Variants in RAPGEF1 observed in about 807,000 individuals in gnomAD.
RAPGEF1 encodes the protein Rap guanine nucleotide exchange factor 1.
Under a neutral mutation model 143.3 loss-of-function variants are expected in RAPGEF1, and 33 were observed. The observed-to-expected ratio is 0.23, with a 90% confidence interval of 0.17 to 0.31. The LOEUF is 0.31. Ranked by LOEUF, RAPGEF1 falls within the 10% of genes least tolerant of loss-of-function variation. RAPGEF1 has a pLI of 1.00. For missense variants in RAPGEF1, 1,199 were observed against 1,645.4 expected (o/e 0.73, Z 4.69); for synonymous variants, 629 against 676.5 (o/e 0.93, Z 1.09).
chr9:131,735,721 T>C (rs1328031245), intron 1 of RAPGEF1, among the ~76,000 whole-genome samples: 1 of 152,188 alleles, frequency 6.6e-6, no homozygotes, highest in African/African-American at 2.4e-5. Context: ...TGTGGCTGGC[T>C]GTGGGAGTGG....
chr9:131,580,183 C>A (rs1951652810), intron 26 of RAPGEF1, 80 bp downstream of exon 26: 2 of 1,559,842 alleles, frequency 1.3e-6, no homozygotes, highest in Non-Finnish European at 1.7e-6. Context: ...TCCCCCTCCC[C>A]TCGGTGTCCC....
At chr9:131,647,929 C>A (rs553225127) in intron 3 of RAPGEF1, among the ~76,000 whole-genome samples, 1 of 151,822 alleles carries the variant, frequency 6.6e-6, no homozygotes, top group Admixed American at 6.6e-5. Flanking sequence ...CTTCCCAACC[C>A]CTACCCACTA....
intron 12 of RAPGEF1, among the ~76,000 whole-genome samples, chr9:131,613,057 C>A (rs1027866316): frequency 1.3e-5 from 2 of 152,176 alleles, no homozygotes; most frequent in Admixed American, 1.3e-4. Flanking sequence ...AAAGCAGCAG[C>A]CTCCCCCACA....
chr9:131,604,951 C>G lies in RAPGEF1; in HGVS notation c.2299G>C (p.Glu767Gln). The G allele has an allele frequency of 7.7e-7, 1 of 1,306,434 alleles. No homozygotes were observed. Among genetic ancestry groups the G allele is most frequent in the Non-Finnish European group, 1.0e-6 (1 of 990,164 alleles). 80.9% of individuals were successfully genotyped at this position (1,306,434 alleles called of 1,614,324 possible). A position where few individuals can be genotyped will look rare whatever the true frequency, so the allele number is the denominator to read the frequency against. Residue 767 changes from glutamate to glutamine, a missense_variant, in exon 13 of 27, where the codon GAA (glutamate) becomes CAA (glutamine). Physicochemically the swap from Glu to Gln is conservative, Grantham distance 29 (BLOSUM62 2). Transcript: ENST00000683357. ...FHGNTVCLPS[E>Q]TSFTDSSENA... The stretch of plus-strand genomic sequence containing the variant: ...CTCACCGAGTCAGTGAAAGAGGTTT[C>G]GGAAGGAAGGCAGACAGTATTCCCA...
At chr9:131,731,117 T>C (rs1282528013) in intron 1 of RAPGEF1, among the ~76,000 whole-genome samples, 2 of 152,196 alleles carry the variant, frequency 1.3e-5, no homozygotes, top group African/African-American at 4.8e-5. Flanking sequence ...ATGTTAACTC[T>C]TTCAGGTCTC....
In RAPGEF1 at chr9:131,587,926, C is replaced by A; in HGVS notation, c.3138+16G>T. ...GGACAAACAGTGTGGCTCCCCCTGG[C>A]AGGAGCAGCCTGTACCTCTATTTTA... On this transcript the variant is annotated intron_variant, in intron 21 of 26. Coordinates refer to ENST00000683357, the MANE Select transcript of RAPGEF1 (RefSeq NM_001377935.1). 4 of 1,606,312 alleles carry A rather than the reference C, an allele frequency of 2.5e-6. No individual in the cohort carries two copies. Among genetic ancestry groups the A allele is most frequent in the Non-Finnish European group, 3.4e-6 (4 of 1,175,928 alleles).
chr9:131,659,270 G>A (rs1017676654), intron 1 of RAPGEF1, among the ~76,000 whole-genome samples: 1 of 152,178 alleles, frequency 6.6e-6, no homozygotes, highest in African/African-American at 2.4e-5. Flanking sequence ...GGACCGCAAG[G>A]TAAAGATGGA....
chr9:131,693,986 A>C (rs1457707932), intron 1 of RAPGEF1, among the ~76,000 whole-genome samples: 1 of 151,730 alleles, frequency 6.6e-6, no homozygotes, highest in African/African-American at 2.4e-5. Context: ...ATGGCTATTT[A>C]GCTTGAGACT....
At chr9:131,643,202 T>C in intron 4 of RAPGEF1, 37 bp downstream of exon 4, 1 of 1,570,048 alleles carries the variant, frequency 6.4e-7, no homozygotes, top group East Asian at 2.3e-5. Flanking sequence ...AAGGCTTCCA[T>C]TGTTCTGACA....
chr9:131,633,251 A>G (rs1965429593), intron 5 of RAPGEF1, among the ~76,000 whole-genome samples: 1 of 152,240 alleles, frequency 6.6e-6, no homozygotes, highest in African/African-American at 2.4e-5. Flanking sequence ...CAATCAGTGA[A>G]GAGAGCAGTT....
Position 131,626,154 on chromosome 9 carries a change from G to C in RAPGEF1, c.1470C>G (p.Gly490=), listed in dbSNP as rs764788213. The change falls in exon 10 of 27, where the codon GGC becomes GGG. Residue 490 remains glycine, a synonymous_variant. Transcript: ENST00000683357. ...GATGCCGCTCGTAGGACACCCTGCA[G>C]CCAGAGCCGTCCGCCGTCTGGGAGG... is the stretch of plus-strand genomic sequence containing the variant. ...SAASQTADGS[G]CRVSYERHPS... 1.3e-5 allele frequency: 21 copies of C among 1,613,848 alleles called. No individual in the cohort carries two copies. The South Asian group carries it at 2.3e-4, about 18-fold the overall frequency.
intron 1 of RAPGEF1, among the ~76,000 whole-genome samples, chr9:131,685,510 C>T (rs963592072): frequency 9.2e-5 from 14 of 152,214 alleles, no homozygotes; most frequent in Non-Finnish European, 1.5e-4. Context: ...ATAACATGAG[C>T]GATCTGTGCC....
chr9:131,629,023 A>C, intron 7 of RAPGEF1, 79 bp downstream of exon 7: 1 of 1,535,054 alleles, frequency 6.5e-7, no homozygotes, highest in African/African-American at 1.4e-5. Context: ...CGCTGAGGGG[A>C]AAGGGCCCGA....
Position 131,672,096 on chromosome 9 carries a change from C to T in RAPGEF1, c.62-21147G>A, listed in dbSNP as rs533929605. Among the ~76,000 whole-genome samples, 9 of 152,218 alleles carry T rather than the reference C, an allele frequency of 5.9e-5. No individual in the cohort carries two copies. In the South Asian group the frequency reaches 1.2e-3, roughly 21 times the overall value. The stretch of plus-strand genomic sequence containing the variant: ...GAAGACCGCAAACCTAGCCCATAGC[C>T]AAAAGTTGCCAAGACACTGGTTAGC... On this transcript the variant is annotated intron_variant, in intron 1 of 26. Transcript: ENST00000683357.
intron 1 of RAPGEF1, among the ~76,000 whole-genome samples, chr9:131,662,105 T>C (rs1300180411): frequency 1.3e-5 from 2 of 152,238 alleles, no homozygotes; most frequent in African/African-American, 2.4e-5. Context: ...GCATCTCATC[T>C]GTGCCTTACA....
In RAPGEF1 at chr9:131,584,288, G is replaced by T; in HGVS notation, c.3414+23C>A. The stretch of plus-strand genomic sequence containing the variant: ...GGCCCCCCTTACCAGCCACCCTCCC[G>T]CCCACGCCCCAAGGCCACTCACCTC... On this transcript the variant is annotated intron_variant, in intron 24 of 26. Coordinates refer to ENST00000683357, the MANE Select transcript of RAPGEF1 (RefSeq NM_001377935.1). The surrounding 1 kb of genome is among the most constrained non-coding windows in gnomAD (Gnocchi z 6.8). 7.2e-7 allele frequency: 1 copy of T among 1,397,518 alleles called. No homozygotes were observed. Among genetic ancestry groups the T allele is most frequent in the Non-Finnish European group, 1.0e-6 (1 of 993,024 alleles). 86.6% of individuals were successfully genotyped at this position (1,397,518 alleles called of 1,614,324 possible). A position where few individuals can be genotyped will look rare whatever the true frequency, so the allele number is the denominator to read the frequency against.
In RAPGEF1 at chr9:131,739,778, T is replaced by C; in HGVS notation, c.53A>G (p.Glu18Gly). The change falls in exon 1 of 27, where the codon GAG becomes GGG. Residue 18 changes from glutamate (E) to glycine (G), a missense_variant. Glu to Gly is a moderately conservative substitution (Grantham distance 98). Coordinates refer to ENST00000683357, the MANE Select transcript of RAPGEF1 (RefSeq NM_001377935.1). ...RRSPEMSGKI[E>G]KADSQRSHLS... Reference sequence around the variant, plus strand: ...CCACGCCCGCGCCTCACCTGCTTTCTCGATCTTGCCGGACATTTCCGGGCT... The same window carrying C: ...CCACGCCCGCGCCTCACCTGCTTTCCCGATCTTGCCGGACATTTCCGGGCT... 8.5e-7 allele frequency: 1 copy of C among 1,174,846 alleles called. No homozygotes were observed. The highest frequency in any genetic ancestry group is 1.7e-5 in the South Asian group (1 of 57,266). 72.8% of individuals were successfully genotyped at this position (1,174,846 alleles called of 1,614,324 possible). A position where few individuals can be genotyped will look rare whatever the true frequency, so the allele number is the denominator to read the frequency against.
At position 131,631,706 on chromosome 9, in the gene RAPGEF1, C is replaced by T. The variant is rs145938550; in HGVS notation, c.652-1382G>A. Among the ~76,000 whole-genome samples, 15 of 152,324 alleles carry T rather than the reference C, an allele frequency of 9.8e-5. No homozygotes were observed. The East Asian group carries it at 2.9e-3, about 29-fold the overall frequency. On this transcript the variant is annotated intron_variant, in intron 5 of 26. Transcript: ENST00000683357. Reference sequence around the variant, plus strand: ...AAAGCACCACACACAAAAAAGGCAGCGTATGCTGCAAATAAGGCAAAGAGT... The same window carrying T: ...AAAGCACCACACACAAAAAAGGCAGTGTATGCTGCAAATAAGGCAAAGAGT...
At chr9:131,737,951 G>C (rs954269168) in intron 1 of RAPGEF1, among the ~76,000 whole-genome samples, 2 of 143,620 alleles carry the variant, frequency 1.4e-5, no homozygotes, top group Non-Finnish European at 3.0e-5. Flanking sequence ...CTGGGCAACA[G>C]AGCAAGACTC....
Sources: gnomAD v4.1 joint callset for allele counts (sites outside exome capture counted in the v4.1 genomes callset) on GRCh38, gnomAD v4.1.1 for gene constraint, Gnocchi (gnomAD v3.1) non-coding constraint, MANE v1.5 for transcripts, NCBI Gene and HGNC (gene_info 2026-07-23, HGNC 2026-07-21) for gene names.